The following ATM variants were observed in gnomAD, a reference collection of about 807,000 sequenced individuals.
ATM encodes the protein ATM serine/threonine kinase, also known as serine-protein kinase ATM.
ATM carries 308 observed loss-of-function variants against 387.0 expected under a neutral mutation model. The ratio of observed to expected loss-of-function variants is 0.80; its 90% CI spans 0.73 to 0.87. ATM has a LOEUF of 0.87. Among genes scored for constraint, ATM ranks in the 40% least tolerant of loss-of-function variants. The probability of loss-of-function intolerance (pLI) is 0.00; values close to 1 mark genes in which losing one functional copy is unlikely to be tolerated. For synonymous variants in ATM, 1,156 were observed against 1,187.3 expected, an observed-to-expected ratio of 0.97 and a Z score of 0.54; for missense variants, 3,312 against 3,560.9, an observed-to-expected ratio of 0.93 and a Z score of 1.78.
intron 38 of ATM, chr11:108,308,707 G>A (rs909371216): frequency 5.1e-5 from 16 of 314,988 alleles, no homozygotes; most frequent in Non-Finnish European, 9.1e-5. Context: ...GAGAGGGAGA[G>A]GTGAGTGAAA....
chr11:108,354,115 G>C (rs2089590437), intron 60 of ATM, among the ~76,000 whole-genome samples: 1 of 149,322 alleles, frequency 6.7e-6, no homozygotes, highest in Non-Finnish European at 1.5e-5. Flanking sequence ...ACGGGTTAGA[G>C]ATTTGTATAG....
chr11:108,339,138 A>G (rs188185203), intron 56 of ATM, among the ~76,000 whole-genome samples: 10 of 152,346 alleles, frequency 6.6e-5, no homozygotes, highest in Admixed American at 5.9e-4. Context: ...TAGCTCAGAC[A>G]TAGCCCTTAA....
At chr11:108,237,502 C>A (rs2079336622) in intron 5 of ATM, among the ~76,000 whole-genome samples, 1 of 151,890 alleles carries the variant, frequency 6.6e-6, no homozygotes, top group Non-Finnish European at 1.5e-5. Flanking sequence ...TTTAAGCTAA[C>A]CTTTGCCACT....
At chr11:108,240,892 A>C (rs1268733957) in intron 5 of ATM, among the ~76,000 whole-genome samples, 1 of 152,214 alleles carries the variant, frequency 6.6e-6, no homozygotes, top group African/African-American at 2.4e-5. Context: ...TTACTTTATA[A>C]ACTTTAAAAA....
At chr11:108,266,236 A>G (rs970542354) in intron 16 of ATM, among the ~76,000 whole-genome samples, 11 of 151,178 alleles carry the variant, frequency 7.3e-5, no homozygotes, top group Non-Finnish European at 1.6e-4. Flanking sequence ...AACCAACCCA[A>G]ATGTCCAACA....
chr11:108,313,366 CACAG>C (rs766866217), intron 40 of ATM, among the ~76,000 whole-genome samples: 2 of 152,198 alleles, frequency 1.3e-5, no homozygotes, highest in Non-Finnish European at 1.5e-5. Flanking sequence ...TCCTTCCTCT[CACAG>C]ACAAACTTTG....
rs775359713 is a variant in ATM at position 108,365,514 on chromosome 11, AG to A, written c.*7del. 1.2e-6 allele frequency: 2 copies of A among 1,613,818 alleles called. No homozygotes were observed. The highest frequency in any genetic ancestry group is 2.7e-5 in the African/African-American group (2 of 74,916). On this transcript the variant is annotated 3_prime_UTR_variant, in exon 63 of 63. Transcript: ENST00000675843. ...GATGGAAAGCTTGGGTGTGATCTTC[AG>A]TATATGAATTACCCTTTCATTCAGC...
At chr11:108,262,611 A>C (rs2080967407) in intron 16 of ATM, among the ~76,000 whole-genome samples, 1 of 152,216 alleles carries the variant, frequency 6.6e-6, no homozygotes. Context: ...TCATAATGAC[A>C]GGATCAAATT....
rs746422877 is a variant in ATM, at chr11:108,253,958, T to C, written c.2043T>C (p.Ser681=). The change falls in exon 13 of 63, where the codon TCT becomes TCC. Residue 681 remains serine, a synonymous_variant. Coordinates refer to ENST00000675843, the MANE Select transcript of ATM (RefSeq NM_000051.4). Reference sequence around the variant, plus strand: ...AGCACCAGTCCAGTATTGGCTTCTCTGTCCACCAGAATCTCAAGGAATCAC... The same window carrying C: ...AGCACCAGTCCAGTATTGGCTTCTCCGTCCACCAGAATCTCAAGGAATCAC... The part of the protein sequence containing the change: ...IEKHQSSIGF[S]VHQNLKESLD... The C allele has an allele frequency of 6.2e-7, 1 of 1,614,088 alleles. No individual in the cohort carries two copies. The highest frequency in any genetic ancestry group is 8.5e-7 in the Non-Finnish European group (1 of 1,179,978).
At chr11:108,252,167 TTA>T in intron 11 of ATM, 136 bp downstream of exon 11, 3 of 786,224 alleles carry the variant, frequency 3.8e-6, no homozygotes, top group Non-Finnish European at 6.0e-6. Context: ...TTATTAAATA[TTA>T]TGTTTGTTTT....
intron 20 of ATM, 63 bp from the exon 21 acceptor site, chr11:108,272,469 T>G: frequency 7.5e-7 from 1 of 1,336,702 alleles, no homozygotes; most frequent in South Asian, 1.2e-5. Flanking sequence ...AACCTTTCAG[T>G]GAGTTTTCTG....
At chr11:108,335,801 T>C in intron 55 of ATM, 44 bp from the exon 56 acceptor site, 1 of 1,498,298 alleles carries the variant, frequency 6.7e-7, no homozygotes, top group South Asian at 1.1e-5. Context: ...GTTTTTATAA[T>C]AAAATAAACT....
Position 108,302,225 on chromosome 11 carries a change from C to T in ATM, c.5319+436C>T, listed in dbSNP as rs1012291298. On this transcript the variant is annotated intron_variant, in intron 35 of 62. Transcript: ENST00000675843. ...TTTCTCCCTTTTTCCATGTTGATAT[C>T]GTAATAAGGTTCCACTGTAAGTATT... Among the ~76,000 whole-genome samples, 3 of 152,034 alleles carry T rather than the reference C, an allele frequency of 2.0e-5. No individual in the cohort carries two copies. The East Asian group carries it at 5.8e-4, about 29-fold the overall frequency.
Position 108,227,590 on chromosome 11 carries a change from T to A in ATM, c.-30-5T>A, listed in dbSNP as rs2135002731. On this transcript the variant is annotated splice_region_variant and splice_polypyrimidine_tract_variant and intron_variant, in intron 1 of 62. Coordinates refer to ENST00000675843, the MANE Select transcript of ATM (RefSeq NM_000051.4). ...TATATATACCTATATGTATTTTTTT[T>A]ACAGACAGTGATGTGTGTTCTGAAA... The A allele has an allele frequency of 6.3e-7, 1 of 1,581,342 alleles. No individual in the cohort carries two copies. Among genetic ancestry groups the A allele is most frequent in the Middle Eastern group, 1.7e-4 (1 of 5,932 alleles).
chr11:108,274,740 C>G (rs140821018), intron 22 of ATM, among the ~76,000 whole-genome samples: 6 of 150,402 alleles, frequency 4.0e-5, no homozygotes, highest in Non-Finnish European at 7.5e-5. Context: ...GAGACTGTTA[C>G]GATTTCCATT....
chr11:108,232,246 C>T (rs1257747130), intron 4 of ATM, among the ~76,000 whole-genome samples: 1 of 152,136 alleles, frequency 6.6e-6, no homozygotes, highest in Non-Finnish European at 1.5e-5. Context: ...TTACGGCTTC[C>T]TTTTCTTTCA....
In ATM at chr11:108,317,441, A is replaced by C. The variant is rs863224577; in HGVS notation, c.6267A>C (p.Lys2089Asn). ...VYLKGLDYEN[K>N]DWCPELEELH... ...TAAAAGGATTGGATTATGAAAATAA[A>C]GACTGGTGTCCTGAACTAGAAGAAC... Residue 2089 changes from lysine (K) to asparagine (N), a missense_variant, in exon 43 of 63, where the codon AAA becomes AAC. Coordinates refer to ENST00000675843, the MANE Select transcript of ATM (RefSeq NM_000051.4). 2 of 1,612,812 alleles carry C rather than the reference A, an allele frequency of 1.2e-6. No individual in the cohort carries two copies.
At chr11:108,258,243 A>C (rs2080629569) in intron 15 of ATM, among the ~76,000 whole-genome samples, 1 of 152,248 alleles carries the variant, frequency 6.6e-6, no homozygotes, top group Non-Finnish European at 1.5e-5. Context: ...TGAATGGTAC[A>C]TAAAGGTAAT....
chr11:108,309,815 T>C (rs1369833575), intron 38 of ATM, among the ~76,000 whole-genome samples: 1 of 152,134 alleles, frequency 6.6e-6, no homozygotes, highest in Non-Finnish European at 1.5e-5. Context: ...TTGTGTGCAT[T>C]TGTATTAGCT....
Sources: gnomAD v4.1 joint callset for allele counts (sites outside exome capture counted in the v4.1 genomes callset) on GRCh38, gnomAD v4.1.1 for gene constraint, MANE v1.5 for transcripts, NCBI Gene and HGNC (gene_info 2026-07-23, HGNC 2026-07-21) for gene names.